Variants in ATAD3B observed in about 807,000 individuals in gnomAD.
The protein encoded by ATAD3B is ATPase family AAA domain containing 3B.
Under a neutral mutation model 70.2 loss-of-function variants are expected in ATAD3B, and 59 were observed. The ratio of observed to expected loss-of-function variants is 0.84; its 90% confidence interval spans 0.68 to 1.04. The LOEUF is 1.04. ATAD3B is among the 50% of genes least tolerant of loss of function. ATAD3B has a pLI of 0.00. For synonymous variants in ATAD3B, 423 were observed against 388.6 expected (o/e 1.09, Z -1.04); for missense variants, 961 against 913.4 (o/e 1.05, Z -0.67).
the ATAD3B span, among the ~76,000 whole-genome samples, chr1:1,507,929 C>T: frequency 6.6e-6 from 1 of 152,222 alleles, no homozygotes; most frequent in Non-Finnish European, 1.5e-5. Flanking sequence ...GTTGGCCCCA[C>T]CCGCGACTGG....
chr1:1,509,240 C>T, the ATAD3B span: 26,205 of 1,612,594 alleles, frequency 0.016, 256 homozygotes, highest in African/African-American at 0.069. Context: ...GGGTCCTGAC[C>T]GAGGCCATGA....
rs1202935468 is a variant in ATAD3B at position 1,472,007 on chromosome 1, G to A, written c.123G>A (p.Pro41=). 3.2e-6 allele frequency: 4 copies of A among 1,238,838 alleles called. No homozygotes were observed. In the East Asian group the frequency reaches 1.0e-4, roughly 32 times the overall value. 76.7% of individuals were successfully genotyped at this position (1,238,838 alleles called of 1,614,324 possible). Residue 41 remains proline, a synonymous_variant, in exon 1 of 16, where the codon CCG becomes CCA. Transcript: ENST00000673477. ...GGGACCGCGGTTTGGGAGACCGGCC[G>A]GCGCCCAAGGACAAATGGAGCAACT... The part of the protein sequence containing the change: ...GGGDRGLGDR[P]APKDKWSNFD...
chr1:1,485,637 G>T, intron 8 of ATAD3B, 145 bp from the exon 9 acceptor site: 7 of 1,335,992 alleles, frequency 5.2e-6, no homozygotes, highest in Non-Finnish European at 7.3e-6. Context: ...GTCTCCCGGC[G>T]GGGCAGGGTT....
chr1:1,500,720 G>C (rs12726774), downstream of ATAD3B, among the ~76,000 whole-genome samples: 4 of 151,432 alleles, frequency 2.6e-5, no homozygotes, highest in East Asian at 7.8e-4. Context: ...TTGGGAGGCC[G>C]AGGCGGGCGG....
chr1:1,499,114 G>A (rs1290398886), downstream of ATAD3B, among the ~76,000 whole-genome samples: 1 of 151,770 alleles, frequency 6.6e-6, no homozygotes, highest in African/African-American at 2.4e-5. Flanking sequence ...TGGGACCACA[G>A]GTGCCCGCCA....
chr1:1,503,776 G>C, the ATAD3B span: 1 of 1,479,926 alleles, frequency 6.8e-7, no homozygotes, highest in South Asian at 1.2e-5. Context: ...GGCAGCAGTG[G>C]GGTGCAGGGC....
Position 1,491,109 on chromosome 1 carries a change from CAGA to C in ATAD3B, c.1614+439_1614+441del, listed in dbSNP as rs1452535343. Among the ~76,000 whole-genome samples the C allele has an allele frequency of 9.6e-3, 1,463 of 152,046 alleles. 15 individuals carry two copies. Among genetic ancestry groups the C allele is most frequent in the African/African-American group, 0.033 (1,389 of 41,506 alleles). ...TTGGCTTGGTCCTGTTTGACGGGTT[CAGA>C]CACACGGTGGGACTGGCCTCCGATT... On this transcript the variant is annotated intron_variant, in intron 15 of 15. Transcript: ENST00000673477.
chr1:1,492,412 C>T (rs190533455), intron 15 of ATAD3B, among the ~76,000 whole-genome samples: 24 of 150,902 alleles, frequency 1.6e-4, no homozygotes, highest in African/African-American at 5.4e-4. Flanking sequence ...CTTGAACCCA[C>T]GAGGCAGAGG....
At position 1,489,215 on chromosome 1, in the gene ATAD3B, C is replaced by T; in HGVS notation, c.1278C>T (p.Ser426=). 6.2e-7 allele frequency: 1 copy of T among 1,613,524 alleles called. No individual in the cohort carries two copies. The highest frequency in any genetic ancestry group is 8.5e-7 in the Non-Finnish European group (1 of 1,179,618). ...FLRKRATEEI[S]KDLRATLNAF... is the part of the protein sequence containing the mutation. ...CCTTCTCTCTGCAGGAGGAGATAAG[C>T]AAGGACCTCAGAGCCACACTGAACG... The change falls in exon 13 of 16, where the codon AGC becomes AGT. Residue 426 remains serine (S), a synonymous_variant. Transcript: ENST00000673477.
At position 1,490,611 on chromosome 1, in the gene ATAD3B, C is replaced by T. The variant is rs767039044; in HGVS notation, c.1554C>T (p.Val518=). The change falls in exon 15 of 16, where the codon GTC becomes GTT. Residue 518 remains valine (V), a synonymous_variant. Transcript: ENST00000673477. ...ACTACGGGAGGAAGTGCTCGGAGGTCGCTCGGCTGACGGAGGGCATGTCGG... is the reference window on the plus strand; with the variant it reads ...ACTACGGGAGGAAGTGCTCGGAGGTTGCTCGGCTGACGGAGGGCATGTCGG... ...QFDYGRKCSE[V]ARLTEGMSGR... is the part of the protein sequence containing the mutation. 57 of 1,608,418 alleles carry T rather than the reference C, an allele frequency of 3.5e-5. No individual in the cohort carries two copies. Among genetic ancestry groups the T allele is most frequent in the Non-Finnish European group, 4.1e-5 (48 of 1,178,136 alleles).
At chr1:1,502,018 A>G (rs1640956228), downstream of ATAD3B, among the ~76,000 whole-genome samples, 1 of 151,846 alleles carries the variant, frequency 6.6e-6, no homozygotes, top group Non-Finnish European at 1.5e-5. Flanking sequence ...AGCTAGGATT[A>G]CAGGCGTCCA....
intron 1 of ATAD3B, among the ~76,000 whole-genome samples, chr1:1,476,545 G>T (rs1187917968): frequency 6.6e-6 from 1 of 150,846 alleles, no homozygotes; most frequent in African/African-American, 2.4e-5. Context: ...GACTCTTGCT[G>T]TCTCCCCCGC....
In ATAD3B at chr1:1,482,130, T is replaced by C. The variant is rs768151203; in HGVS notation, c.515-8T>C. 2.5e-6 allele frequency: 4 copies of C among 1,605,760 alleles called. No individual in the cohort carries two copies. Among genetic ancestry groups the C allele is most frequent in the Non-Finnish European group, 3.4e-6 (4 of 1,177,558 alleles). ...ATGGTGCTGAGCTGCCCTGCCTCTC[T>C]GGGGCAGCCACCGTGGAGCGGGAGA... is the stretch of plus-strand genomic sequence containing the variant. On this transcript the variant is annotated splice_polypyrimidine_tract_variant and splice_region_variant and intron_variant, in intron 5 of 15. Transcript: ENST00000673477.
chr1:1,504,900 C>A, the ATAD3B span, among the ~76,000 whole-genome samples: 1 of 152,096 alleles, frequency 6.6e-6, no homozygotes, highest in Non-Finnish European at 1.5e-5. Flanking sequence ...AGCCACCGCG[C>A]CCAGTGCCAA....
At chr1:1,501,249 C>G (rs1424336969), downstream of ATAD3B, among the ~76,000 whole-genome samples, 2 of 142,042 alleles carry the variant, frequency 1.4e-5, no homozygotes, top group African/African-American at 5.8e-5. Flanking sequence ...CTACGCCCAG[C>G]TAATTTTTGT....
chr1:1,493,674 C>A (rs1640644185), intron 15 of ATAD3B, among the ~76,000 whole-genome samples: 1 of 151,668 alleles, frequency 6.6e-6, no homozygotes, highest in Non-Finnish European at 1.5e-5. Context: ...AATGCTTTTC[C>A]TGCATGAGAT....
At chr1:1,490,464 A>T (rs1361867427) in intron 14 of ATAD3B, 40 bp downstream of exon 14, 3 of 1,612,004 alleles carry the variant, frequency 1.9e-6, no homozygotes, top group African/African-American at 1.3e-5. Context: ...TCCAGGCACC[A>T]TATGGCATGG....
chr1:1,475,368 T>C (rs1237950036), intron 1 of ATAD3B, among the ~76,000 whole-genome samples: 4 of 151,126 alleles, frequency 2.6e-5, no homozygotes, highest in African/African-American at 9.7e-5. Context: ...GGGTGCCCCC[T>C]GCCCTGCCCC....
At position 1,495,991 on chromosome 1, in the gene ATAD3B, G is replaced by A. The variant is rs1049001294; in HGVS notation, c.*174G>A. On this transcript the variant is annotated 3_prime_UTR_variant, in exon 16 of 16. Transcript: ENST00000673477. ...TGGGGCAGAAGGAGTGGGGCAGGCG[G>A]GGTCTTTGTTCTCGGCTCCCACAGC... 2.3e-5 allele frequency: 32 copies of A among 1,362,312 alleles called. No individual in the cohort carries two copies. In the African/African-American group the frequency reaches 4.1e-4, roughly 17 times the overall value. The allele number at this position is 1,362,312 out of a possible 1,614,324, so 84.4% of individuals were successfully genotyped here.
Sources: allele counts gnomAD v4.1 joint callset (sites outside exome capture counted in the v4.1 genomes callset), GRCh38; gene constraint gnomAD v4.1.1; transcripts MANE v1.5; gene names NCBI Gene and HGNC (gene_info 2026-07-23, HGNC 2026-07-21).